Variants in SEC23IP observed in about 807,000 individuals in gnomAD.
The protein encoded by SEC23IP is SEC23 interacting protein, also known as SEC23-interacting protein.
Under a neutral mutation model 113.4 loss-of-function variants are expected in SEC23IP, and 70 were observed. The observed-to-expected ratio is 0.62, with a 90% CI of 0.51 to 0.75. SEC23IP has a LOEUF of 0.75. SEC23IP is among the 30% of genes least tolerant of loss of function. The pLI, the probability that SEC23IP is intolerant of heterozygous loss-of-function variation, is 0.00. For synonymous variants in SEC23IP, 398 were observed against 421.0 expected, an observed-to-expected ratio of 0.95 and a Z score of 0.67; for missense variants, 1,160 against 1,204.9, an observed-to-expected ratio of 0.96 and a Z score of 0.55.
intron 12 of SEC23IP, among the ~76,000 whole-genome samples, chr10:119,922,432 T>C (rs1855278579): frequency 6.6e-6 from 1 of 152,160 alleles, no homozygotes; most frequent in South Asian, 2.1e-4. Flanking sequence ...TTTTTAAACA[T>C]TACAAAATGC....
intron 15 of SEC23IP, among the ~76,000 whole-genome samples, chr10:119,930,739 A>G (rs1855569502): frequency 6.6e-6 from 1 of 152,250 alleles, no homozygotes; most frequent in Non-Finnish European, 1.5e-5. Context: ...GAAGAACAGT[A>G]TTTAAAGTAA....
chr10:119,894,153 C>G (rs575857437), intron 1 of SEC23IP, among the ~76,000 whole-genome samples: 1 of 152,200 alleles, frequency 6.6e-6, no homozygotes, highest in Non-Finnish European at 1.5e-5. Flanking sequence ...GCGTGCCAGA[C>G]AGTGTGATTT....
intron 6 of SEC23IP, among the ~76,000 whole-genome samples, chr10:119,913,409 GTTACA>G (rs1481985617): frequency 2.0e-5 from 3 of 149,106 alleles, no homozygotes; most frequent in Admixed American, 6.6e-5. Context: ...CATGGACTCT[GTTACA>G]AACTACTCAG....
intron 12 of SEC23IP, among the ~76,000 whole-genome samples, chr10:119,922,548 G>A (rs1397074216): frequency 4.6e-5 from 7 of 152,140 alleles, no homozygotes; most frequent in Non-Finnish European, 2.9e-5. Context: ...TGGTCACAGT[G>A]CACAGATGAA....
chr10:119,894,869 T>C (rs1168398558), intron 1 of SEC23IP, among the ~76,000 whole-genome samples: 1 of 151,262 alleles, frequency 6.6e-6, no homozygotes, highest in African/African-American at 2.4e-5. Flanking sequence ...CTGTCTTTAA[T>C]GCTTTTGTTT....
intron 13 of SEC23IP, among the ~76,000 whole-genome samples, 174 bp from the exon 14 acceptor site, chr10:119,929,433 A>C (rs1253841791): frequency 6.6e-6 from 1 of 152,064 alleles, no homozygotes; most frequent in Middle Eastern, 3.2e-3. Context: ...ACAGGGTTTC[A>C]CTGTGTTAGC....
chr10:119,895,237 A>G (rs1370051962), intron 1 of SEC23IP, among the ~76,000 whole-genome samples: 1 of 152,114 alleles, frequency 6.6e-6, no homozygotes, highest in Non-Finnish European at 1.5e-5. Context: ...CACAAAAGTT[A>G]GTTGGATGTG....
rs1043017086 is a variant in SEC23IP at position 119,918,455 on chromosome 10, G to C, written c.1816G>C (p.Gly606Arg). The C allele has an allele frequency of 6.2e-7, 1 of 1,613,652 alleles. No individual in the cohort carries two copies. The highest frequency in any genetic ancestry group is 8.5e-7 in the Non-Finnish European group (1 of 1,179,688). Residue 606 changes from glycine (G) to arginine (R), a missense_variant, in exon 10 of 19, where the codon GGA becomes CGA. Physicochemically the swap from Gly to Arg is moderately radical, Grantham distance 125 (BLOSUM62 -2). Transcript: ENST00000369075. ...QKDLNLSKCP[G>R]PLAVANGVVK... Reference sequence around the variant, plus strand: ...AGATTTGAATTTATCAAAGTGCCCTGGACCTCTTGCTGTTGCTAATGGAGT... The same window carrying C: ...AGATTTGAATTTATCAAAGTGCCCTCGACCTCTTGCTGTTGCTAATGGAGT...
chr10:119,942,443 T>C lies in SEC23IP; in HGVS notation c.*1878T>C, dbSNP rs1455730110. On this transcript the variant is annotated 3_prime_UTR_variant, in exon 19 of 19. Transcript: ENST00000369075. ...AGGGTAGAGTCTTTATGTATGAACA[T>C]ATTGTTCACTGTTGTAACCACCTTG... The C allele has an allele frequency of 7.2e-5, 11 of 152,132 alleles. No homozygotes were observed. In the South Asian group the frequency reaches 8.3e-4, roughly 11 times the overall value. The allele number at this position is 152,132 out of a possible 1,614,324, so 9.4% of individuals were successfully genotyped here.
intron 18 of SEC23IP, among the ~76,000 whole-genome samples, chr10:119,936,764 A>G (rs941672603): frequency 3.9e-5 from 6 of 151,914 alleles, no homozygotes; most frequent in Non-Finnish European, 8.8e-5. Flanking sequence ...TTATTAGTGA[A>G]GTTGAGCTCT....
At chr10:119,940,514 GACA>G (rs1363012587) in intron 18 of SEC23IP, 69 bp from the exon 19 acceptor site, 2 of 151,904 alleles carry the variant, frequency 1.3e-5, no homozygotes, top group African/African-American at 2.4e-5. Flanking sequence ...CTTCAGAAAA[GACA>G]ACGATGCATG....
At chr10:119,915,969 T>C in intron 8 of SEC23IP, 80 bp downstream of exon 8, 1 of 1,187,356 alleles carries the variant, frequency 8.4e-7, no homozygotes, top group Non-Finnish European at 1.1e-6. Flanking sequence ...AAATAGTTTA[T>C]TGTAGCTTCA....
rs528313389 is a variant in SEC23IP at position 119,898,023 on chromosome 10, A to T, written c.164-404A>T. 3.2e-4 allele frequency among the ~76,000 whole-genome samples: 48 copies of T among 151,192 alleles called. No homozygotes were observed. In the East Asian group the frequency reaches 4.4e-3, roughly 14 times the overall value. On this transcript the variant is annotated intron_variant, in intron 1 of 18. Transcript: ENST00000369075. ...CCGTCTCAAAAAAAAATAAAAAAAAAAAAATAAATAAAAATAGTAAGTATA... is the reference window on the plus strand; with the variant it reads ...CCGTCTCAAAAAAAAATAAAAAAAATAAAATAAATAAAAATAGTAAGTATA...
In SEC23IP at chr10:119,920,894, G is replaced by C. The variant is rs751525076; in HGVS notation, c.2031G>C (p.Met677Ile). 3 of 1,604,176 alleles carry C rather than the reference G, an allele frequency of 1.9e-6. No individual in the cohort carries two copies. The highest frequency in any genetic ancestry group is 2.6e-6 in the Non-Finnish European group (3 of 1,171,536). ...TTGTCTGTTTCCTTTTAAAGCTTAT[G>C]TGTACAGTTGATGACCTGAAGGAAA... is the stretch of plus-strand genomic sequence containing the variant. Reference protein sequence around the residue: ...KEKIDMESLLMCTVDDLKEMG... With the variant: ...KEKIDMESLLICTVDDLKEMG... Residue 677 changes from methionine (M) to isoleucine (I), a missense_variant, in exon 12 of 19, where the codon ATG becomes ATC. By Grantham distance (10) the Met-to-Ile change is conservative. Transcript: ENST00000369075.
intron 1 of SEC23IP, among the ~76,000 whole-genome samples, chr10:119,897,805 C>G (rs1854325961): frequency 6.6e-6 from 1 of 151,972 alleles, no homozygotes; most frequent in Non-Finnish European, 1.5e-5. Context: ...CAAGACCAGC[C>G]TGGTCAACAT....
chr10:119,910,365 T>C (rs1174320363), intron 5 of SEC23IP, among the ~76,000 whole-genome samples: 1 of 152,162 alleles, frequency 6.6e-6, no homozygotes, highest in African/African-American at 2.4e-5. Flanking sequence ...GAGCTCCAAG[T>C]TCCTCACCTG....
intron 5 of SEC23IP, among the ~76,000 whole-genome samples, chr10:119,910,356 A>C (rs1034854998): frequency 1.3e-5 from 2 of 152,114 alleles, no homozygotes; most frequent in African/African-American, 4.8e-5. Flanking sequence ...AATTTCTCAG[A>C]GCTCCAAGTT....
In SEC23IP at chr10:119,895,132, C is replaced by T. The variant is rs200769944; in HGVS notation, c.163+2187C>T. On this transcript the variant is annotated intron_variant, in intron 1 of 18. Coordinates refer to ENST00000369075, the MANE Select transcript of SEC23IP (RefSeq NM_007190.4). ...GGCACAGTGGCTCACGCCTGTAATCCCAGCACTTTGTGGGGCTGAGGCGGG... is the reference window on the plus strand; with the variant it reads ...GGCACAGTGGCTCACGCCTGTAATCTCAGCACTTTGTGGGGCTGAGGCGGG... Among the ~76,000 whole-genome samples the T allele has an allele frequency of 7.2e-5, 11 of 152,234 alleles. No homozygotes were observed. The East Asian group carries it at 1.9e-3, about 27-fold the overall frequency.
intron 5 of SEC23IP, among the ~76,000 whole-genome samples, chr10:119,910,648 C>G (rs1589831012): frequency 1.3e-5 from 2 of 151,982 alleles, no homozygotes; most frequent in South Asian, 4.1e-4. Context: ...CTCTGCCTTC[C>G]TCATTTCTCC....
Sources: gnomAD v4.1 joint callset for allele counts (sites outside exome capture counted in the v4.1 genomes callset) on GRCh38, gnomAD v4.1.1 for gene constraint, MANE v1.5 for transcripts, NCBI Gene and HGNC (gene_info 2026-07-23, HGNC 2026-07-21) for gene names.